ACSL4: variants seen among roughly 807,000 people sequenced by gnomAD.
ACSL4 encodes the protein acyl-CoA synthetase long chain family member 4.
Under a neutral mutation model 49.1 loss-of-function variants are expected in ACSL4, and 9 were observed. The ratio of observed to expected loss-of-function variants is 0.18; its 90% CI spans 0.11 to 0.32. The LOEUF (loss-of-function observed/expected upper bound fraction) is 0.32. ACSL4 is among the 10% of genes least tolerant of loss of function. ACSL4 has a pLI of 1.00. For synonymous variants in ACSL4, 191 were observed against 170.3 expected, an observed-to-expected ratio of 1.12 and a Z score of -0.95; for missense variants, 333 against 493.7, an observed-to-expected ratio of 0.67 and a Z score of 3.08.
chrX:109,728,693 A>T, intron 1 of ACSL4, among the ~76,000 whole-genome samples: 1 of 112,548 alleles, frequency 8.9e-6, no homozygotes, highest in East Asian at 2.7e-4. Context: ...AGCTTACAGA[A>T]ATAATGGATG....
chrX:109,674,273 G>A (rs1923497671), intron 9 of ACSL4, 129 bp downstream of exon 9: 1 of 595,007 alleles, frequency 1.7e-6, no homozygotes, highest in Non-Finnish European at 2.8e-6. Context: ...CATTTGCTGT[G>A]ATTTCAACAA....
chrX:109,663,291 G>T lies in ACSL4; in HGVS notation c.1502C>A (p.Ser501Tyr), dbSNP rs766630384. The change falls in exon 13 of 16, where the codon TCT (serine) becomes TAT (tyrosine). Residue 501 changes from serine to tyrosine, a missense_variant. Around this residue, in one of 3 missense-constraint regions of ACSL4, gnomAD observed 175 missense variants for 275.8 expected, o/e 0.63. Coordinates refer to ENST00000672401, the MANE Select transcript of ACSL4 (RefSeq NM_001318510.2). ...CCACCTTTGTCCATTTTCATCCACA[G>T]AATAATCTTCTGCTGTTTTCTCTTC... ...KNEEKTAEDY[S>Y]VDENGQRWFC... 6 of 1,207,388 alleles carry T rather than the reference G, an allele frequency of 5.0e-6. No homozygotes were observed. The highest frequency in any genetic ancestry group is 1.7e-5 in the African/African-American group (1 of 57,188).
chrX:109,659,252 C>A, intron 15 of ACSL4, 102 bp downstream of exon 15: 2 of 796,301 alleles, frequency 2.5e-6, no homozygotes, highest in Non-Finnish European at 3.7e-6. Flanking sequence ...TTCTTAAAAT[C>A]CTGTATTTTA....
intron 1 of ACSL4, among the ~76,000 whole-genome samples, chrX:109,704,940 T>TCACACA (rs57647601): frequency 1.1e-4 from 12 of 106,777 alleles, no homozygotes; most frequent in African/African-American, 3.7e-4. Flanking sequence ...TCTCTCTCTC[T>TCACACA]CACACACACA....
chrX:109,723,913 A>G (rs1473649546), intron 1 of ACSL4, among the ~76,000 whole-genome samples: 3 of 112,328 alleles, frequency 2.7e-5, no homozygotes, highest in African/African-American at 9.7e-5. Context: ...AACGGTTTAC[A>G]TTTCCCTAAT....
chrX:109,644,044 C>A lies in ACSL4; in HGVS notation c.1998G>T (p.Met666Ile). The A allele has an allele frequency of 8.3e-7, 1 of 1,211,674 alleles. No individual in the cohort carries two copies. Among genetic ancestry groups the A allele is most frequent in the Non-Finnish European group, 1.1e-6 (1 of 895,386 alleles). The change falls in exon 16 of 16, where the codon ATG (methionine) becomes ATT (isoleucine). Residue 666 changes from methionine to isoleucine, a missense_variant. This residue lies in a region of ACSL4 where 175 missense variants were observed against 275.8 expected (regional missense o/e 0.63). Coordinates refer to ENST00000672401, the MANE Select transcript of ACSL4 (RefSeq NM_001318510.2). ...RNHYLKDIER[M>I]YGGK ...CAACAACATTTTATTTGCCCCCATA[C>A]ATTCGTTCAATGTCTTTGAGGTAAT...
chrX:109,687,121 G>C (rs1202033738), intron 2 of ACSL4, among the ~76,000 whole-genome samples: 1 of 111,670 alleles, frequency 9.0e-6, no homozygotes, highest in Non-Finnish European at 1.9e-5. Flanking sequence ...AGCACCCAGT[G>C]CTCTTTCAAG....
At chrX:109,705,828 G>A (rs1901549496) in intron 1 of ACSL4, among the ~76,000 whole-genome samples, 1 of 112,226 alleles carries the variant, frequency 8.9e-6, no homozygotes, top group African/African-American at 3.2e-5. Flanking sequence ...CTCCCGTGTA[G>A]CTAGGATTAC....
chrX:109,697,685 A>C (rs1374103909), intron 1 of ACSL4, among the ~76,000 whole-genome samples: 2 of 85,476 alleles, frequency 2.3e-5, no homozygotes, highest in Non-Finnish European at 4.5e-5. Context: ...TTTTTCTTCC[A>C]GAAGGCTAAC....
chrX:109,697,716 G>T (rs191911366), intron 1 of ACSL4, among the ~76,000 whole-genome samples: 1 of 97,322 alleles, frequency 1.0e-5, no homozygotes, highest in Non-Finnish European at 2.1e-5. Context: ...GACATGGGGG[G>T]GGGGGCGCGG....
intron 2 of ACSL4, among the ~76,000 whole-genome samples, chrX:109,690,444 T>G (rs922915300): frequency 5.4e-5 from 6 of 112,047 alleles, no homozygotes; most frequent in Non-Finnish European, 1.1e-4. Flanking sequence ...ATTGAGCATT[T>G]ACTACAGGCT....
chrX:109,690,354 C>A (rs940429897), intron 2 of ACSL4, among the ~76,000 whole-genome samples: 1 of 111,948 alleles, frequency 8.9e-6, no homozygotes, highest in Non-Finnish European at 1.9e-5. Context: ...AAAGGCAGGG[C>A]ATTATCTTCA....
intron 1 of ACSL4, among the ~76,000 whole-genome samples, chrX:109,705,960 G>A (rs1310050034): frequency 8.9e-6 from 1 of 112,899 alleles, no homozygotes; most frequent in Non-Finnish European, 1.9e-5. Flanking sequence ...GCCTCCCAAA[G>A]TGCTAGGATT....
chrX:109,683,010 G>A lies in ACSL4; in HGVS notation c.229-114C>T, dbSNP rs372509041. 2.8e-5 allele frequency: 28 copies of A among 1,004,936 alleles called. No homozygotes were observed. In the East Asian group the frequency reaches 3.3e-4, roughly 12 times the overall value. 82.8% of individuals were successfully genotyped at this position (1,004,936 alleles called of 1,213,427 possible). ...AAATGAACATACAGAAGCTATGAGC[G>A]GCTTCTGAGTAGTTTTACACAGCAC... is the stretch of plus-strand genomic sequence containing the variant. On this transcript the variant is annotated intron_variant, in intron 3 of 15. Transcript: ENST00000672401.
chrX:109,722,170 C>T (rs773548953), intron 1 of ACSL4, among the ~76,000 whole-genome samples: 1 of 111,937 alleles, frequency 8.9e-6, no homozygotes, highest in African/African-American at 3.3e-5. Context: ...AAGATATTTT[C>T]ACCTCTAAGT....
intron 1 of ACSL4, among the ~76,000 whole-genome samples, chrX:109,722,211 T>C (rs1314562239): frequency 8.9e-6 from 1 of 112,147 alleles, no homozygotes; most frequent in Non-Finnish European, 1.9e-5. Flanking sequence ...GAAATTATAA[T>C]GGGTCTTCAG....
intron 1 of ACSL4, among the ~76,000 whole-genome samples, chrX:109,697,823 T>C (rs1020893818): frequency 9.3e-6 from 1 of 107,479 alleles, no homozygotes; most frequent in Non-Finnish European, 1.9e-5. Flanking sequence ...AACGTACACA[T>C]TTCCCCCATA....
chrX:109,714,971 G>A (rs927581556), intron 1 of ACSL4, among the ~76,000 whole-genome samples: 3 of 112,020 alleles, frequency 2.7e-5, no homozygotes, highest in Non-Finnish European at 5.6e-5. Context: ...AGCAAGAGGT[G>A]CAGTGGCTCA....
chrX:109,683,665 G>A (rs1407143560), intron 2 of ACSL4: 16 of 421,353 alleles, frequency 3.8e-5, no homozygotes, highest in Non-Finnish European at 5.3e-5. Flanking sequence ...AATAAAGTAC[G>A]CCTGTAGGTG....
Sources: gnomAD v4.1 joint callset for allele counts (sites outside exome capture counted in the v4.1 genomes callset) on GRCh38, gnomAD v4.1.1 for gene constraint, gnomAD v4.1.1 regional missense constraint, MANE v1.5 for transcripts, NCBI Gene and HGNC (gene_info 2026-07-23, HGNC 2026-07-21) for gene names.